MYRIP: variants seen among roughly 807,000 people sequenced by gnomAD.
MYRIP encodes myosin VIIA and Rab interacting protein, also known as rab effector MyRIP.
Under a neutral mutation model 98.0 loss-of-function variants are expected in MYRIP, and 49 were observed. The ratio of observed to expected loss-of-function variants is 0.50; its 90% CI spans 0.40 to 0.63. The LOEUF (loss-of-function observed/expected upper bound fraction) is 0.63, where lower values mean the gene tolerates loss of function less well. Among genes scored for constraint, MYRIP ranks in the 30% least tolerant of loss-of-function variants. The probability of loss-of-function intolerance (pLI) is 0.00; values close to 1 mark genes in which losing one functional copy is unlikely to be tolerated. For missense variants in MYRIP, 1,004 were observed against 1,058.2 expected, an observed-to-expected ratio of 0.95 and a Z score of 0.71; for synonymous variants, 404 against 409.5, an observed-to-expected ratio of 0.99 and a Z score of 0.16.
At chr3:40,044,867 T>C (rs1342230585) in intron 3 of MYRIP, among the ~76,000 whole-genome samples, 2 of 152,138 alleles carry the variant, frequency 1.3e-5, no homozygotes, top group Non-Finnish European at 2.9e-5. Context: ...AAAGGGGAGA[T>C]GAAGACAACT....
At chr3:39,965,620 C>A (rs1945421104) in intron 2 of MYRIP, among the ~76,000 whole-genome samples, 1 of 152,056 alleles carries the variant, frequency 6.6e-6, no homozygotes, top group African/African-American at 2.4e-5. Context: ...TAGGCTTGAC[C>A]ATAATCCATG....
At chr3:39,955,597 T>C (rs1559535526) in intron 2 of MYRIP, among the ~76,000 whole-genome samples, 1 of 152,134 alleles carries the variant, frequency 6.6e-6, no homozygotes, top group Non-Finnish European at 1.5e-5. Context: ...AGACCATTGA[T>C]GCTAGGAAGA....
At chr3:39,846,331 T>G (rs1157471014) in intron 1 of MYRIP, among the ~76,000 whole-genome samples, 1 of 152,194 alleles carries the variant, frequency 6.6e-6, no homozygotes, top group Non-Finnish European at 1.5e-5. Context: ...TAGATCACCC[T>G]GCATTCCCTT....
intron 8 of MYRIP, among the ~76,000 whole-genome samples, chr3:40,170,557 T>C (rs997713326): frequency 2.0e-5 from 3 of 152,214 alleles, no homozygotes; most frequent in Admixed American, 6.5e-5. Flanking sequence ...AGCCAACCTT[T>C]CTGTCTGTCA....
At chr3:40,003,429 G>C (rs1369427576) in intron 2 of MYRIP, among the ~76,000 whole-genome samples, 7 of 152,242 alleles carry the variant, frequency 4.6e-5, no homozygotes, top group African/African-American at 1.7e-4. Context: ...TGTGGGTTGA[G>C]TCTTGTGAAA....
chr3:40,171,963 C>G (rs549392905), intron 8 of MYRIP, among the ~76,000 whole-genome samples: 1 of 152,228 alleles, frequency 6.6e-6, no homozygotes, highest in Non-Finnish European at 1.5e-5. Context: ...TAGTGGCAGG[C>G]AAGAGAGCGT....
intron 3 of MYRIP, among the ~76,000 whole-genome samples, chr3:40,077,423 G>A (rs916740903): frequency 6.6e-6 from 1 of 152,062 alleles, no homozygotes; most frequent in African/African-American, 2.4e-5. Context: ...TAGACACAAA[G>A]GTTCTCCACA....
chr3:40,119,220 T>C (rs1256969877), intron 3 of MYRIP, among the ~76,000 whole-genome samples: 1 of 152,086 alleles, frequency 6.6e-6, no homozygotes. Flanking sequence ...TTCCTATTTC[T>C]CCACATCCTC....
chr3:39,882,102 G>A (rs1339111162), intron 1 of MYRIP, among the ~76,000 whole-genome samples: 1 of 152,056 alleles, frequency 6.6e-6, no homozygotes, highest in Non-Finnish European at 1.5e-5. Context: ...CCTGATATGT[G>A]AACATGCTCC....
chr3:39,901,195 C>T (rs532459461), intron 2 of MYRIP, among the ~76,000 whole-genome samples: 5 of 152,352 alleles, frequency 3.3e-5, no homozygotes, highest in East Asian at 1.9e-4. Context: ...GTGGTGAACA[C>T]GCTGCCTTGA....
At chr3:40,257,111 A>C (rs1049024349) in intron 16 of MYRIP, among the ~76,000 whole-genome samples, 12 of 152,224 alleles carry the variant, frequency 7.9e-5, no homozygotes, top group African/African-American at 2.9e-4. Context: ...GGATCACTTG[A>C]GGCCAGGAGT....
chr3:40,138,611 T>C lies in MYRIP; in HGVS notation c.333-12437T>C, dbSNP rs1347731852. On this transcript the variant is annotated intron_variant, in intron 3 of 16. Coordinates refer to ENST00000302541, the MANE Select transcript of MYRIP (RefSeq NM_015460.4). ...CTCTGAGAAATCTTAAGATACTTAATGTTTCCCCTTAGTTAATAGAAGTTA... is the reference window on the plus strand; with the variant it reads ...CTCTGAGAAATCTTAAGATACTTAACGTTTCCCCTTAGTTAATAGAAGTTA... Among the ~76,000 whole-genome samples the C allele has an allele frequency of 2.0e-5, 3 of 152,342 alleles. No homozygotes were observed. The East Asian group carries it at 5.8e-4, about 29-fold the overall frequency.
chr3:39,841,612 T>C (rs919125789), intron 1 of MYRIP, among the ~76,000 whole-genome samples: 1 of 152,210 alleles, frequency 6.6e-6, no homozygotes, highest in Non-Finnish European at 1.5e-5. Context: ...TGGTCTTTTA[T>C]ATTGGTGACC....
chr3:39,989,859 C>T (rs1335872508), intron 2 of MYRIP, among the ~76,000 whole-genome samples: 1 of 152,240 alleles, frequency 6.6e-6, no homozygotes, highest in Non-Finnish European at 1.5e-5. Flanking sequence ...GCCTCCCCAG[C>T]TCCAGCAGGG....
intron 2 of MYRIP, among the ~76,000 whole-genome samples, chr3:39,905,188 C>G (rs1943850295): frequency 6.6e-6 from 1 of 152,122 alleles, no homozygotes; most frequent in African/African-American, 2.4e-5. Context: ...TCTTTTTTAT[C>G]AGATGATTTC....
chr3:40,201,882 C>A (rs1221299370), intron 10 of MYRIP, among the ~76,000 whole-genome samples: 1 of 152,136 alleles, frequency 6.6e-6, no homozygotes, highest in Non-Finnish European at 1.5e-5. Flanking sequence ...GGGAAAACTT[C>A]TACCTTTAGA....
intron 2 of MYRIP, among the ~76,000 whole-genome samples, chr3:40,006,699 A>G (rs1379239782): frequency 6.6e-6 from 1 of 152,208 alleles, no homozygotes; most frequent in East Asian, 1.9e-4. Flanking sequence ...GTAATTATAA[A>G]GACTAATACT....
intron 3 of MYRIP, among the ~76,000 whole-genome samples, chr3:40,125,265 G>T (rs537521952): frequency 6.6e-6 from 1 of 152,312 alleles, no homozygotes; most frequent in Admixed American, 6.5e-5. Flanking sequence ...TAACTTACAT[G>T]ATCACAAGGT....
intron 1 of MYRIP, among the ~76,000 whole-genome samples, chr3:39,871,503 C>T (rs754499513): frequency 1.3e-5 from 2 of 152,130 alleles, no homozygotes; most frequent in African/African-American, 2.4e-5. Context: ...AGGAGCCAAA[C>T]GTCTTCAACT....
Sources: gnomAD v4.1 joint callset for allele counts (sites outside exome capture counted in the v4.1 genomes callset) on GRCh38, gnomAD v4.1.1 for gene constraint, MANE v1.5 for transcripts, NCBI Gene and HGNC (gene_info 2026-07-23, HGNC 2026-07-21) for gene names.